LRRC3B: variants seen among roughly 807,000 people sequenced by gnomAD.
The protein encoded by LRRC3B is leucine rich repeat containing 3B, also known as leucine-rich repeat-containing protein 3B.
LRRC3B carries 2 observed loss-of-function variants against 12.8 expected under a neutral mutation model. That is an observed-to-expected ratio of 0.16 (90% confidence interval 0.06 to 0.49). The LOEUF (loss-of-function observed/expected upper bound fraction) is 0.49, where lower values mean the gene tolerates loss of function less well. Ranked by LOEUF, LRRC3B falls within the 20% of genes least tolerant of loss-of-function variation. The probability of loss-of-function intolerance (pLI) is 0.96; values close to 1 mark genes in which losing one functional copy is unlikely to be tolerated. For synonymous variants in LRRC3B, 132 were observed against 122.0 expected, an observed-to-expected ratio of 1.08 and a Z score of -0.54; for missense variants, 189 against 319.4, an observed-to-expected ratio of 0.59 and a Z score of 3.11.
At chr3:26,637,723 T>TA (rs1350620959) in intron 1 of LRRC3B, among the ~76,000 whole-genome samples, 1 of 152,188 alleles carries the variant, frequency 6.6e-6, no homozygotes, top group African/African-American at 2.4e-5. Context: ...TTCAGAATGA[T>TA]ATTTTTAAAT....
rs1559361658 is a variant in LRRC3B at position 26,671,356 on chromosome 3, A to ATG, written c.-160-38156_-160-38155insGT. On this transcript the variant is annotated intron_variant, in intron 1 of 1. Transcript: ENST00000396641. Reference sequence around the variant, plus strand: ...TGTGTGTGTATATATGTGTGTATATATATATATATATATATATAGAGAGAG... The same window carrying ATG: ...TGTGTGTGTATATATGTGTGTATATATGTATATATATATATATATAGAGAGAG... 2.6e-3 allele frequency among the ~76,000 whole-genome samples: 149 copies of ATG among 56,364 alleles called. 5 individuals carry two copies. Among genetic ancestry groups the ATG allele is most frequent in the African/African-American group, 0.015 (137 of 9,246 alleles). 37.0% of individuals were successfully genotyped at this position (56,364 alleles called of 152,430 possible). A position where few individuals can be genotyped will look rare whatever the true frequency, so the allele number is the denominator to read the frequency against.
intron 1 of LRRC3B, among the ~76,000 whole-genome samples, chr3:26,671,495 A>C (rs1339214228): frequency 3.6e-5 from 5 of 137,400 alleles, no homozygotes; most frequent in Non-Finnish European, 1.6e-5. Context: ...AGTTTCAAGC[A>C]ATTCTCCTGC....
chr3:26,636,964 TTCTTTCTTTCTC>T (rs1698910646), intron 1 of LRRC3B, among the ~76,000 whole-genome samples: 4 of 109,208 alleles, frequency 3.7e-5, no homozygotes, highest in Admixed American at 1.0e-4. Context: ...CTTTCTTTCT[TTCTTTCTTTCTC>T]TCTCTCTCTT....
chr3:26,676,415 C>T (rs1473283002), intron 1 of LRRC3B, among the ~76,000 whole-genome samples: 1 of 152,052 alleles, frequency 6.6e-6, no homozygotes, highest in Non-Finnish European at 1.5e-5. Context: ...GACATGAACT[C>T]ATCATTTTTT....
chr3:26,647,617 C>T (rs1699180155), intron 1 of LRRC3B, among the ~76,000 whole-genome samples: 1 of 152,184 alleles, frequency 6.6e-6, no homozygotes, highest in Admixed American at 6.5e-5. Context: ...TTATCCTCTT[C>T]ATATTCTTAC....
At chr3:26,645,870 A>C (rs1187063432) in intron 1 of LRRC3B, among the ~76,000 whole-genome samples, 1 of 152,112 alleles carries the variant, frequency 6.6e-6, no homozygotes, top group African/African-American at 2.4e-5. Flanking sequence ...TTTATTTTTC[A>C]TGTCTCTGCT....
intron 1 of LRRC3B, among the ~76,000 whole-genome samples, chr3:26,680,410 G>T (rs900250219): frequency 1.3e-5 from 2 of 152,172 alleles, no homozygotes; most frequent in African/African-American, 4.8e-5. Context: ...TAAAGTAAAA[G>T]AACGTTCTTA....
At chr3:26,629,855 A>G (rs1698715913) in intron 1 of LRRC3B, among the ~76,000 whole-genome samples, 1 of 151,764 alleles carries the variant, frequency 6.6e-6, no homozygotes, top group South Asian at 2.1e-4. Context: ...AACCTGTGAA[A>G]GGGGTATGGT....
intron 1 of LRRC3B, among the ~76,000 whole-genome samples, chr3:26,630,475 CATA>C (rs10598392): frequency 0.59 from 89,023 of 151,780 alleles, 26,476 homozygotes; most frequent in East Asian, 0.8. Context: ...GTGCCTCTTA[CATA>C]ATAATGCCTC....
At chr3:26,641,747 G>GATTT (rs1461245616) in intron 1 of LRRC3B, among the ~76,000 whole-genome samples, 1 of 151,872 alleles carries the variant, frequency 6.6e-6, no homozygotes, top group African/African-American at 2.4e-5. Flanking sequence ...TGATAAAATA[G>GATTT]ATTTTCTTTA....
intron 1 of LRRC3B, among the ~76,000 whole-genome samples, chr3:26,666,407 T>C (rs1234326236): frequency 6.7e-6 from 1 of 149,278 alleles, no homozygotes; most frequent in Non-Finnish European, 1.5e-5. Flanking sequence ...ATAGAAAATG[T>C]TAAAGATTGG....
At chr3:26,632,265 C>T (rs1380717845) in intron 1 of LRRC3B, among the ~76,000 whole-genome samples, 1 of 152,146 alleles carries the variant, frequency 6.6e-6, no homozygotes, top group Non-Finnish European at 1.5e-5. Context: ...ATCTTGTGTC[C>T]AACTCTTTAT....
At chr3:26,678,068 T>G (rs1369230336) in intron 1 of LRRC3B, among the ~76,000 whole-genome samples, 1 of 152,062 alleles carries the variant, frequency 6.6e-6, no homozygotes, top group African/African-American at 2.4e-5. Flanking sequence ...CAACCTGCCT[T>G]GGCCTCCCAA....
intron 1 of LRRC3B, among the ~76,000 whole-genome samples, chr3:26,636,771 C>A (rs1261136096): frequency 2.0e-5 from 3 of 150,376 alleles, no homozygotes; most frequent in Non-Finnish European, 4.4e-5. Flanking sequence ...GCCCATATAG[C>A]TTTCTTTTTA....
At chr3:26,645,597 A>T (rs1699126528) in intron 1 of LRRC3B, among the ~76,000 whole-genome samples, 3 of 152,020 alleles carry the variant, frequency 2.0e-5, no homozygotes, top group Admixed American at 2.0e-4. Flanking sequence ...TCATTCAATA[A>T]ATATTTTTTG....
At chr3:26,651,296 G>A (rs920341034) in intron 1 of LRRC3B, among the ~76,000 whole-genome samples, 2 of 152,200 alleles carry the variant, frequency 1.3e-5, no homozygotes, top group Non-Finnish European at 2.9e-5. Flanking sequence ...CCTCATCAGA[G>A]AGGGTTTCTG....
At chr3:26,704,224 T>C (rs1236338666) in intron 1 of LRRC3B, among the ~76,000 whole-genome samples, 1 of 152,196 alleles carries the variant, frequency 6.6e-6, no homozygotes, top group East Asian at 1.9e-4. Context: ...TTTGCTTTTT[T>C]TTGAGCTGCT....
At chr3:26,660,662 A>C (rs1430617940) in intron 1 of LRRC3B, among the ~76,000 whole-genome samples, 1 of 152,170 alleles carries the variant, frequency 6.6e-6, no homozygotes, top group Non-Finnish European at 1.5e-5. Context: ...GTTCTAGGGC[A>C]AATGTTGACA....
At chr3:26,633,181 TC>T (rs1222367023) in intron 1 of LRRC3B, among the ~76,000 whole-genome samples, 1 of 152,112 alleles carries the variant, frequency 6.6e-6, no homozygotes, top group African/African-American at 2.4e-5. Flanking sequence ...TCTCTCTCTC[TC>T]CCTTTCTTCC....
Sources: gnomAD v4.1 joint callset for allele counts (sites outside exome capture counted in the v4.1 genomes callset) on GRCh38, gnomAD v4.1.1 for gene constraint, MANE v1.5 for transcripts, NCBI Gene and HGNC (gene_info 2026-07-23, HGNC 2026-07-21) for gene names.